SLC4A10: variants seen among roughly 807,000 people sequenced by gnomAD.
SLC4A10 encodes sodium-driven chloride bicarbonate exchanger.
In SLC4A10, 42 loss-of-function variants were observed where a neutral mutation model predicts 137.7. The observed-to-expected ratio is 0.30, with a 90% CI of 0.24 to 0.39. SLC4A10 has a LOEUF of 0.39. SLC4A10 is among the 10% of genes least tolerant of loss of function. The pLI is 1.00. For synonymous variants in SLC4A10, 474 were observed against 464.1 expected (o/e 1.02, Z -0.27); for missense variants, 925 against 1,355.0 (o/e 0.68, Z 4.98).
intron 8 of SLC4A10, 73 bp from the exon 9 acceptor site, chr2:161,879,058 G>A: frequency 2.2e-6 from 3 of 1,340,062 alleles, no homozygotes; most frequent in Non-Finnish European, 3.1e-6. Flanking sequence ...TATATGTGAA[G>A]CACTGTGCAA....
At chr2:161,796,797 G>A (rs150310221) in intron 2 of SLC4A10, among the ~76,000 whole-genome samples, 125 of 151,996 alleles carry the variant, frequency 8.2e-4, no homozygotes, top group African/African-American at 2.8e-3. Context: ...GCAACTTCTC[G>A]GTTTTTCCAG....
At chr2:161,778,376 A>G (rs1337176294) in intron 2 of SLC4A10, among the ~76,000 whole-genome samples, 1 of 151,920 alleles carries the variant, frequency 6.6e-6, no homozygotes, top group South Asian at 2.1e-4. Context: ...ATTGTTTTAC[A>G]TATCTATATG....
At chr2:161,665,106 T>G (rs989862291) in intron 1 of SLC4A10, among the ~76,000 whole-genome samples, 5 of 151,750 alleles carry the variant, frequency 3.3e-5, no homozygotes, top group Non-Finnish European at 5.9e-5. Context: ...CAATGAAGGA[T>G]GGGTTCAATC....
At chr2:161,911,049 T>C (rs1685719316) in intron 15 of SLC4A10, among the ~76,000 whole-genome samples, 1 of 151,794 alleles carries the variant, frequency 6.6e-6, no homozygotes, top group Non-Finnish European at 1.5e-5. Flanking sequence ...AAAAATAAAA[T>C]ATGTAAATAA....
intron 1 of SLC4A10, among the ~76,000 whole-genome samples, chr2:161,660,624 C>CTTCCTTTCCTTCT (rs2038229329): frequency 1.5e-5 from 2 of 129,296 alleles, no homozygotes; most frequent in Non-Finnish European, 3.4e-5. Flanking sequence ...TTCTTTCTTT[C>CTTCCTTTCCTTCT]TTCCTTTCCT....
At chr2:161,655,859 G>T (rs946198284) in intron 1 of SLC4A10, among the ~76,000 whole-genome samples, 1 of 149,674 alleles carries the variant, frequency 6.7e-6, no homozygotes, top group Non-Finnish European at 1.5e-5. Context: ...CTGTCACCCA[G>T]GCTGGAGTGC....
chr2:161,735,625 T>C (rs1282052061), intron 1 of SLC4A10, among the ~76,000 whole-genome samples: 1 of 152,152 alleles, frequency 6.6e-6, no homozygotes, highest in Non-Finnish European at 1.5e-5. Context: ...CAAGTTTATA[T>C]ACCAGGTGTA....
chr2:161,804,044 T>C (rs144164788), intron 2 of SLC4A10, among the ~76,000 whole-genome samples: 364 of 152,176 alleles, frequency 2.4e-3, no homozygotes, highest in Non-Finnish European at 3.8e-3. Flanking sequence ...CGAAACCTGT[T>C]TTATTAGAGA....
chr2:161,705,751 G>A (rs1024442957), intron 1 of SLC4A10, among the ~76,000 whole-genome samples: 4 of 151,510 alleles, frequency 2.6e-5, no homozygotes, highest in Non-Finnish European at 4.4e-5. Context: ...GGAGCTGTGA[G>A]AAATAAATAT....
intron 2 of SLC4A10, among the ~76,000 whole-genome samples, chr2:161,787,389 A>G (rs999571616): frequency 1.3e-5 from 2 of 152,138 alleles, no homozygotes; most frequent in African/African-American, 4.8e-5. Context: ...TCTGATGACT[A>G]TATGCCTTGA....
At chr2:161,845,707 A>G (rs2059447962) in intron 4 of SLC4A10, among the ~76,000 whole-genome samples, 1 of 152,152 alleles carries the variant, frequency 6.6e-6, no homozygotes, top group African/African-American at 2.4e-5. Context: ...TTTTGACAAA[A>G]GACAAAAACT....
At chr2:161,919,962 T>C (rs1687816459) in intron 15 of SLC4A10, among the ~76,000 whole-genome samples, 1 of 152,152 alleles carries the variant, frequency 6.6e-6, no homozygotes, top group Non-Finnish European at 1.5e-5. Context: ...GAGCCTGCAG[T>C]GTAAGTGGCT....
intron 6 of SLC4A10, among the ~76,000 whole-genome samples, chr2:161,867,497 C>T (rs569427945): frequency 2.6e-5 from 4 of 151,936 alleles, no homozygotes; most frequent in South Asian, 4.1e-4. Context: ...TATTTTCCAC[C>T]GCTCCAAGAA....
chr2:161,771,410 A>T (rs983668129), intron 2 of SLC4A10, among the ~76,000 whole-genome samples: 1 of 151,802 alleles, frequency 6.6e-6, no homozygotes, highest in African/African-American at 2.4e-5. Flanking sequence ...GTAGGACAGG[A>T]GGGGGAGGGG....
At chr2:161,738,414 G>A (rs1470592839) in intron 1 of SLC4A10, among the ~76,000 whole-genome samples, 4 of 152,046 alleles carry the variant, frequency 2.6e-5, no homozygotes, top group Admixed American at 1.3e-4. Context: ...GAGGATTTAT[G>A]GACAGAAAAC....
At chr2:161,753,846 A>G (rs1182387237) in intron 1 of SLC4A10, among the ~76,000 whole-genome samples, 1 of 150,660 alleles carries the variant, frequency 6.6e-6, no homozygotes, top group Non-Finnish European at 1.5e-5. Context: ...TTACTGTTAA[A>G]TAACTCGAGT....
At chr2:161,771,079 C>T (rs758948389) in intron 2 of SLC4A10, 25 bp downstream of exon 2, 3 of 1,491,046 alleles carry the variant, frequency 2.0e-6, no homozygotes, top group Non-Finnish European at 2.8e-6. Flanking sequence ...CTTGGGATAG[C>T]TATTGGTGTG....
At chr2:161,941,267 T>C (rs984757867) in intron 15 of SLC4A10, among the ~76,000 whole-genome samples, 6 of 152,266 alleles carry the variant, frequency 3.9e-5, no homozygotes, top group Non-Finnish European at 7.4e-5. Context: ...CAAAATCTAC[T>C]GAGGAGAGCT....
At chr2:161,918,346 G>A (rs917976305) in intron 15 of SLC4A10, among the ~76,000 whole-genome samples, 5 of 152,054 alleles carry the variant, frequency 3.3e-5, no homozygotes, top group Non-Finnish European at 4.4e-5. Flanking sequence ...AGTAGAGACA[G>A]GGTTTTACCA....
Sources: gnomAD v4.1 joint callset for allele counts (sites outside exome capture counted in the v4.1 genomes callset) on GRCh38, gnomAD v4.1.1 for gene constraint, MANE v1.5 for transcripts, NCBI Gene and HGNC (gene_info 2026-07-23, HGNC 2026-07-21) for gene names.